Variants in IL1R1 observed in about 807,000 individuals in gnomAD.
IL1R1 encodes the protein interleukin 1 receptor type 1.
A neutral mutation model predicts 50.2 loss-of-function variants in IL1R1; 22 were observed. The observed-to-expected ratio is 0.44, with a 90% CI of 0.31 to 0.63. The LOEUF (loss-of-function observed/expected upper bound fraction) is 0.63, where lower values mean the gene tolerates loss of function less well. IL1R1 is among the 20% of genes least tolerant of loss of function. The pLI is 0.07. For synonymous variants in IL1R1, 251 were observed against 236.7 expected (o/e 1.06, Z -0.55); for missense variants, 509 against 676.2 (o/e 0.75, Z 2.74).
chr2:102,077,722 A>T (rs985977362), intron 1 of IL1R1, among the ~76,000 whole-genome samples: 2 of 152,212 alleles, frequency 1.3e-5, no homozygotes, highest in Non-Finnish European at 2.9e-5. Context: ...CATTCAGGTT[A>T]GACCTAACAT....
rs1447737421 is a variant in IL1R1 at position 102,135,804 on chromosome 2, A to G, written c.-83-18137A>G. On this transcript the variant is annotated intron_variant, in intron 1 of 10. Coordinates refer to the IL1R1 transcript ENST00000409329. ...TCCTATATCTGTTCTGTCTAATATG[A>G]TAGCCTCTAGCAATGTGTGGGTATT... 2.0e-5 allele frequency among the ~76,000 whole-genome samples: 3 copies of G among 152,220 alleles called. No homozygotes were observed. In the East Asian group the frequency reaches 5.8e-4, roughly 29 times the overall value.
At chr2:102,119,265 T>C (rs1345633453) in intron 1 of IL1R1, among the ~76,000 whole-genome samples, 1 of 152,212 alleles carries the variant, frequency 6.6e-6, no homozygotes, top group Admixed American at 6.5e-5. Context: ...CAAAAGTATT[T>C]CTCTGTCCAT....
At chr2:102,113,668 A>C (rs2104373673) in intron 1 of IL1R1, among the ~76,000 whole-genome samples, 1 of 152,250 alleles carries the variant, frequency 6.6e-6, no homozygotes, top group African/African-American at 2.4e-5. Context: ...CTCTAGGCTG[A>C]TTAGCAGCCA....
upstream of IL1R1, among the ~76,000 whole-genome samples, chr2:102,103,298 A>C (rs1261010919): frequency 6.6e-6 from 1 of 152,186 alleles, no homozygotes; most frequent in African/African-American, 2.4e-5. Flanking sequence ...AGGATGCTTG[A>C]GTGGGGTCTG....
chr2:102,130,040 T>A (rs1348264041), intron 1 of IL1R1, among the ~76,000 whole-genome samples: 3 of 152,264 alleles, frequency 2.0e-5, no homozygotes, highest in African/African-American at 7.2e-5. Flanking sequence ...TACCTTTTTT[T>A]ACTTTGTTTA....
rs546179381 is a variant in IL1R1 at position 102,106,069 on chromosome 2, A to G, written c.-84+1197A>G. Among the ~76,000 whole-genome samples, 24 of 152,340 alleles carry G rather than the reference A, an allele frequency of 1.6e-4. No individual in the cohort carries two copies. The South Asian group carries it at 5.0e-3, about 32-fold the overall frequency. ...TGAAGCTTATCATTCAATTCAATTT[A>G]TAACTCCTTATTGCTCATGCAAAAT... On this transcript the variant is annotated intron_variant, in intron 1 of 10. Coordinates refer to the IL1R1 transcript ENST00000409329.
rs1685407924 is a variant in IL1R1 at position 102,168,674 on chromosome 2, T to C, written c.721+11T>C. 11 of 1,606,386 alleles carry C rather than the reference T, an allele frequency of 6.8e-6. No individual in the cohort carries two copies. Among genetic ancestry groups the C allele is most frequent in the Non-Finnish European group, 9.4e-6 (11 of 1,173,598 alleles). ...TGGAAGTAGACTTGGGTAAGTGGGC[T>C]TCAGTGAGGGTATGCTGGAATCGGT... On this transcript the variant is annotated intron_variant, in intron 7 of 11. Transcript: ENST00000410023.
At chr2:102,145,558 G>T (rs1474634664) in intron 1 of IL1R1, among the ~76,000 whole-genome samples, 5 of 152,200 alleles carry the variant, frequency 3.3e-5, no homozygotes, top group African/African-American at 1.2e-4. Flanking sequence ...CACTTCCCAA[G>T]AGGACTCATG....
intron 3 of IL1R1, among the ~76,000 whole-genome samples, chr2:102,159,779 C>T (rs1279181041): frequency 1.3e-5 from 2 of 151,792 alleles, no homozygotes; most frequent in African/African-American, 2.4e-5. Flanking sequence ...TCCAAACCCT[C>T]TCTCTTCTTG....
chr2:102,139,216 G>A (rs1456952412), upstream of IL1R1, among the ~76,000 whole-genome samples: 1 of 152,216 alleles, frequency 6.6e-6, no homozygotes, highest in African/African-American at 2.4e-5. Context: ...CTAGGTCCAA[G>A]GGCTCTTTGG....
chr2:102,105,989 G>T (rs554516329), intron 1 of IL1R1, among the ~76,000 whole-genome samples: 52 of 152,254 alleles, frequency 3.4e-4, no homozygotes, highest in South Asian at 2.3e-3. Flanking sequence ...GAGAAAATGG[G>T]ACTGAACCTG....
chr2:102,127,148 C>A (rs1260259078), intron 1 of IL1R1, among the ~76,000 whole-genome samples: 1 of 152,210 alleles, frequency 6.6e-6, no homozygotes, highest in Non-Finnish European at 1.5e-5. Flanking sequence ...GAGAGAAACA[C>A]TTTTCCCTGG....
chr2:102,131,858 A>C (rs918296994), intron 1 of IL1R1, among the ~76,000 whole-genome samples: 3 of 152,162 alleles, frequency 2.0e-5, no homozygotes, highest in African/African-American at 7.2e-5. Context: ...AGTTCAGTGA[A>C]CCTTAAGAAA....
chr2:102,144,145 T>C (rs1215625301), intron 1 of IL1R1, among the ~76,000 whole-genome samples: 1 of 152,232 alleles, frequency 6.6e-6, no homozygotes, highest in African/African-American at 2.4e-5. Context: ...TCTAATTTAT[T>C]GTGTGATATC....
chr2:102,110,107 G>A (rs894027098), intron 1 of IL1R1, among the ~76,000 whole-genome samples: 1 of 152,042 alleles, frequency 6.6e-6, no homozygotes, highest in Non-Finnish European at 1.5e-5. Context: ...TTCTGCAGAC[G>A]CTTCTTTCCC....
At chr2:102,112,060 T>C (rs529051852) in intron 1 of IL1R1, among the ~76,000 whole-genome samples, 48 of 152,182 alleles carry the variant, frequency 3.2e-4, no homozygotes, top group Middle Eastern at 6.8e-3. Context: ...TCGTCTTTCA[T>C]GCTGGCCACC....
At chr2:102,078,201 T>C (rs1455206049) in intron 1 of IL1R1, among the ~76,000 whole-genome samples, 1 of 152,038 alleles carries the variant, frequency 6.6e-6, no homozygotes, top group Non-Finnish European at 1.5e-5. Context: ...AGGAAGTTCA[T>C]AATTAAGATC....
At chr2:102,106,796 A>G (rs947523649) in intron 1 of IL1R1, among the ~76,000 whole-genome samples, 7 of 152,158 alleles carry the variant, frequency 4.6e-5, no homozygotes, top group Non-Finnish European at 1.0e-4. Flanking sequence ...TATGAGAATG[A>G]GTTTTCTTTT....
At chr2:102,162,172 C>T (rs962725253) in intron 3 of IL1R1, among the ~76,000 whole-genome samples, 1 of 152,112 alleles carries the variant, frequency 6.6e-6, no homozygotes, top group Non-Finnish European at 1.5e-5. Flanking sequence ...TATATGTATA[C>T]ATTGTGAAAT....
Sources: gnomAD v4.1 joint callset for allele counts (sites outside exome capture counted in the v4.1 genomes callset) on GRCh38, gnomAD v4.1.1 for gene constraint, MANE v1.5 for transcripts, NCBI Gene and HGNC (gene_info 2026-07-23, HGNC 2026-07-21) for gene names.